The following CES2 variants were observed in gnomAD, a reference collection of about 807,000 sequenced individuals.
CES2 encodes carboxylesterase 2.
A neutral mutation model predicts 52.1 loss-of-function variants in CES2; 42 were observed. The ratio of observed to expected loss-of-function variants is 0.81; its 90% CI spans 0.63 to 1.04. The LOEUF is 1.04. Ranked by LOEUF, CES2 falls within the 50% of genes least tolerant of loss-of-function variation. The pLI is 0.00. For missense variants in CES2, 656 were observed against 724.3 expected (o/e 0.91, Z 1.08); for synonymous variants, 277 against 289.6 (o/e 0.96, Z 0.44).
intron 7 of CES2, 37 bp from the exon 8 acceptor site, chr16:66,941,731 C>G: frequency 3.1e-6 from 5 of 1,614,000 alleles, no homozygotes; most frequent in Non-Finnish European, 4.2e-6. Flanking sequence ...CCAGGCTCAT[C>G]CCATCCCCAG....
rs772649560 is a variant in CES2, at chr16:66,940,382, C to A, written c.557+27C>A. On this transcript the variant is annotated intron_variant, in intron 4 of 11. Coordinates refer to ENST00000317091, the MANE Select transcript of CES2 (RefSeq NM_001365405.1). ...TGAGACTAGGGCTGGGCTGGGCAAC[C>A]CGGGCTGAGCGGGGCCAGGACAGCC... The A allele has an allele frequency of 4.3e-6, 7 of 1,614,020 alleles. No individual in the cohort carries two copies. In the Admixed American group the frequency reaches 5.0e-5, roughly 12 times the overall value.
At chr16:66,936,134 G>C (rs1033620978) in intron 1 of CES2, among the ~76,000 whole-genome samples, 1 of 152,176 alleles carries the variant, frequency 6.6e-6, no homozygotes, top group Non-Finnish European at 1.5e-5. Context: ...CCTTGGCCAG[G>C]GGGGATGCCC....
Position 66,943,607 on chromosome 16 carries a change from C to T in CES2, c.1494-232C>T, listed in dbSNP as rs950921235. ...CAGTGCTGTGCCACCGTCAGGGCCT[C>T]CCTCTCAGAGAGAGGGACACAACAG... On this transcript the variant is annotated intron_variant, in intron 11 of 11. Transcript: ENST00000317091. This position sits in a 1 kb window ranked among gnomAD's most constrained non-coding sequence, Gnocchi z 4.2. 4 of 584,998 alleles carry T rather than the reference C, an allele frequency of 6.8e-6. No homozygotes were observed. Among genetic ancestry groups the T allele is most frequent in the South Asian group, 4.5e-5 (2 of 44,836 alleles). The allele number at this position is 584,998 out of a possible 1,614,324, so 36.2% of individuals were successfully genotyped here. A position where few individuals can be genotyped will look rare whatever the true frequency, so the allele number is the denominator to read the frequency against.
In CES2 at chr16:66,944,325, G is replaced by GAGAA. The variant is rs10670210; in HGVS notation, c.*303_*304insAAGA. On this transcript the variant is annotated 3_prime_UTR_variant, in exon 12 of 12. Transcript: ENST00000317091. ...CCTTCTCAAAAAAAAAAAAAAAAAA[G>GAGAA]AGAGAGTGTGTGATTAGAAGCTAAA... The GAGAA allele has an allele frequency of 0.2, 39,861 of 196,830 alleles. 8,593 individuals are homozygous for GAGAA. The highest frequency in any genetic ancestry group is 0.6 in the African/African-American group (23,201 of 38,964). The allele number at this position is 196,830 out of a possible 1,614,324, so 12.2% of individuals were successfully genotyped here.
chr16:66,936,467 G>A (rs1963219027), intron 1 of CES2, among the ~76,000 whole-genome samples: 1 of 152,310 alleles, frequency 6.6e-6, no homozygotes, highest in East Asian at 1.9e-4. Flanking sequence ...TGAGGCTGCA[G>A]TGAGCCTTCA....
Position 66,941,179 on chromosome 16 carries a change from G to C in CES2, c.872G>C (p.Cys291Ser), listed in dbSNP as rs1190566345. 2 of 1,614,176 alleles carry C rather than the reference G, an allele frequency of 1.2e-6. No homozygotes were observed. Among genetic ancestry groups the C allele is most frequent in the Non-Finnish European group, 1.7e-6 (2 of 1,180,020 alleles). Reference protein sequence around the residue: ...DQVDSEALVGCLRGKSKEEIL... With the variant: ...DQVDSEALVGSLRGKSKEEIL... ...GTTGACTCTGAGGCCCTGGTGGGCT[G>C]CCTGCGGGGCAAGAGTAAAGAGGAG... is the stretch of plus-strand genomic sequence containing the variant. The change falls in exon 6 of 12, where the codon TGC (cysteine) becomes TCC (serine). Residue 291 changes from cysteine to serine, a missense_variant. By Grantham distance (112) the Cys-to-Ser change is moderately radical. Transcript: ENST00000317091.
rs1392554602 is a variant in CES2 at position 66,944,323 on chromosome 16, AAG to A, written c.*305_*306del. ...CCCCTTCTCAAAAAAAAAAAAAAAAAAGAGAGAGTGTGTGATTAGAAGCTAAA... is the reference window on the plus strand; with the variant it reads ...CCCCTTCTCAAAAAAAAAAAAAAAAAAGAGAGTGTGTGATTAGAAGCTAAA... On this transcript the variant is annotated 3_prime_UTR_variant, in exon 12 of 12. Coordinates refer to ENST00000317091, the MANE Select transcript of CES2 (RefSeq NM_001365405.1). 1.2e-4 allele frequency: 21 copies of A among 174,024 alleles called. No individual in the cohort carries two copies. Among genetic ancestry groups the A allele is most frequent in the East Asian group, 4.1e-4 (4 of 9,698 alleles). The allele number at this position is 174,024 out of a possible 1,614,324, so 10.8% of individuals were successfully genotyped here. A position where few individuals can be genotyped will look rare whatever the true frequency, so the allele number is the denominator to read the frequency against.
At chr16:66,935,862 C>G in intron 1 of CES2, 151 bp downstream of exon 1, 1 of 1,507,176 alleles carries the variant, frequency 6.6e-7, no homozygotes, top group Non-Finnish European at 8.8e-7. Flanking sequence ...CGCAACGCCT[C>G]CCCGCCGCCC....
intron 9 of CES2, 129 bp from the exon 10 acceptor site, chr16:66,942,519 C>T: frequency 9.4e-7 from 1 of 1,062,770 alleles, no homozygotes; most frequent in Non-Finnish European, 1.3e-6. Context: ...ATTCCTGCCC[C>T]AGCCTGGGGC....
chr16:66,939,289 C>T lies in CES2; in HGVS notation c.354C>T (p.Ser118=). Residue 118 remains serine, a synonymous_variant, in exon 3 of 12, where the codon TCC becomes TCT. Transcript: ENST00000317091. ...TCAACATGACCTTCCCTTCCGACTC[C>T]ATGTCTGAGGACTGCCTGTACCTCA... ...SQFNMTFPSD[S]MSEDCLYLSI... is the part of the protein sequence containing the mutation. 1 of 1,613,970 alleles carries T rather than the reference C, an allele frequency of 6.2e-7. No individual in the cohort carries two copies. Among genetic ancestry groups the T allele is most frequent in the Non-Finnish European group, 8.5e-7 (1 of 1,179,870 alleles).
Position 66,944,211 on chromosome 16 carries a change from G to T in CES2, c.*186G>T. The T allele has an allele frequency of 5.2e-6, 2 of 382,554 alleles. No homozygotes were observed. Among genetic ancestry groups the T allele is most frequent in the Admixed American group, 4.5e-5 (1 of 21,990 alleles). 23.7% of individuals were successfully genotyped at this position (382,554 alleles called of 1,614,324 possible). A position where few individuals can be genotyped will look rare whatever the true frequency, so the allele number is the denominator to read the frequency against. ...TACTCAGGCATGATGGCCCATACTT[G>T]TAATCCCAGCTATTGGGAAGGATGA... On this transcript the variant is annotated 3_prime_UTR_variant, in exon 12 of 12. Coordinates refer to ENST00000317091, the MANE Select transcript of CES2 (RefSeq NM_001365405.1).
At chr16:66,937,939 G>T (rs1567546923) in intron 1 of CES2, 98 bp from the exon 2 acceptor site, 17 of 959,576 alleles carry the variant, frequency 1.8e-5, no homozygotes, top group Non-Finnish European at 1.6e-6. Context: ...AGAGTCCCTT[G>T]AGCTAAGATG....
intron 9 of CES2, 121 bp downstream of exon 9, chr16:66,942,370 A>G: frequency 9.4e-7 from 1 of 1,061,088 alleles, no homozygotes; most frequent in Non-Finnish European, 1.4e-6. Context: ...GACACTTGAC[A>G]TCCATCATTG....
At position 66,941,673 on chromosome 16, in the gene CES2, G is replaced by T. The variant is rs770634377; in HGVS notation, c.1056+27G>T. The T allele has an allele frequency of 3.1e-6, 5 of 1,613,086 alleles. No homozygotes were observed. The African/African-American group carries it at 6.7e-5, about 22-fold the overall frequency. On this transcript the variant is annotated intron_variant, in intron 7 of 11. Transcript: ENST00000317091. ...TGAGCCCCAACCCAAGCCCACAAGT[G>T]CCTGGGGAGCCCATCTGGTAGTGGG... is the stretch of plus-strand genomic sequence containing the variant.
Position 66,941,626 on chromosome 16 carries a change from T to G in CES2, c.1036T>G (p.Phe346Val). 1 of 1,614,072 alleles carries G rather than the reference T, an allele frequency of 6.2e-7. No individual in the cohort carries two copies. Among genetic ancestry groups the G allele is most frequent in the Non-Finnish European group, 8.5e-7 (1 of 1,179,976 alleles). The change falls in exon 7 of 12, where the codon TTC (phenylalanine) becomes GTC (valine). Residue 346 changes from phenylalanine (F) to valine (V), a missense_variant. Transcript: ENST00000317091. ...PSIVGVNNNE[F>V]GWLIPKVMRI... Reference sequence around the variant, plus strand: ...CATTGTTGGTGTCAACAACAATGAATTCGGCTGGCTCATCCCCAAGGTGAG... The same window carrying G: ...CATTGTTGGTGTCAACAACAATGAAGTCGGCTGGCTCATCCCCAAGGTGAG...
chr16:66,939,573 G>A (rs1963306800), intron 3 of CES2, among the ~76,000 whole-genome samples: 1 of 152,238 alleles, frequency 6.6e-6, no homozygotes, highest in South Asian at 2.1e-4. Flanking sequence ...CAAAGGCTGT[G>A]GCTCTGGGCT....
In CES2 at chr16:66,941,213, A is replaced by G; in HGVS notation, c.906A>G (p.Ala302=). 1 of 1,614,082 alleles carries G rather than the reference A, an allele frequency of 6.2e-7. No homozygotes were observed. The change falls in exon 6 of 12, where the codon GCA becomes GCG. Residue 302 remains alanine, a synonymous_variant. Transcript: ENST00000317091. ...LRGKSKEEIL[A]INKPFKMIPG... ...GCAAGAGTAAAGAGGAGATTCTTGC[A>G]ATTAACAAGGTTGGTCTAAATGGAT...
In CES2 at chr16:66,937,136, T is replaced by C. The variant is rs552160853; in HGVS notation, c.77-901T>C. ...AGGCTGCAGTGAGCTGTTATCATAT[T>C]ACTGCATTCCAGCCTGGGCAACAGA... On this transcript the variant is annotated intron_variant, in intron 1 of 11. Transcript: ENST00000317091. Among the ~76,000 whole-genome samples, 284 of 152,240 alleles carry C rather than the reference T, an allele frequency of 1.9e-3. 5 individuals carry two copies. Among genetic ancestry groups the C allele is most frequent in the African/African-American group, 6.5e-3 (271 of 41,544 alleles).
intron 8 of CES2, 80 bp downstream of exon 8, chr16:66,941,928 C>A: frequency 6.3e-7 from 1 of 1,595,562 alleles, no homozygotes; most frequent in Non-Finnish European, 8.6e-7. Flanking sequence ...CCCCCAGATA[C>A]CCTTCCTATG....
Sources: allele counts gnomAD v4.1 joint callset (sites outside exome capture counted in the v4.1 genomes callset), GRCh38; gene constraint gnomAD v4.1.1; non-coding constraint Gnocchi (gnomAD v3.1); transcripts MANE v1.5; gene names NCBI Gene and HGNC (gene_info 2026-07-23, HGNC 2026-07-21).